The following WNT5A variants were observed in gnomAD, a reference collection of about 807,000 sequenced individuals.
The protein encoded by WNT5A is protein Wnt-5a.
Under a neutral mutation model 42.1 loss-of-function variants are expected in WNT5A, and 9 were observed. The ratio of observed to expected loss-of-function variants is 0.21; its 90% CI spans 0.13 to 0.37. The LOEUF (loss-of-function observed/expected upper bound fraction) is 0.37. WNT5A is among the 10% of genes least tolerant of loss of function. The pLI, the probability that WNT5A is intolerant of heterozygous loss-of-function variation, is 1.00. For synonymous variants in WNT5A, 210 were observed against 210.0 expected (o/e 1.00, Z 0.00); for missense variants, 426 against 534.0 (o/e 0.80, Z 1.99).
At chr3:55,488,395 TGG>T (rs1559560838), upstream of WNT5A, 6 of 127,912 alleles carry the variant, frequency 4.7e-5, no homozygotes, top group Non-Finnish European at 9.7e-5. Flanking sequence ...CTCTTTCCCC[TGG>T]TGTTCTCAGA....
At chr3:55,476,957 G>T (rs1050530988) in intron 3 of WNT5A, among the ~76,000 whole-genome samples, 2 of 152,224 alleles carry the variant, frequency 1.3e-5, no homozygotes, top group Non-Finnish European at 1.5e-5. Flanking sequence ...AAAATGAAGA[G>T]TGGGCCCTTC....
At chr3:55,473,467 A>G (rs1279176468) in intron 4 of WNT5A, among the ~76,000 whole-genome samples, 1 of 152,236 alleles carries the variant, frequency 6.6e-6, no homozygotes, top group Non-Finnish European at 1.5e-5. Flanking sequence ...AACCGCAGGA[A>G]AAAAAGGGTC....
At chr3:55,474,947 T>A (rs1376625880) in intron 3 of WNT5A, among the ~76,000 whole-genome samples, 1 of 135,898 alleles carries the variant, frequency 7.4e-6, no homozygotes, top group Non-Finnish European at 1.6e-5. Context: ...GGGTAGGGGG[T>A]AGGGGATCAA....
chr3:55,479,584 G>A lies in WNT5A; in HGVS notation c.141-20C>T, dbSNP rs1252818412. 1.3e-6 allele frequency: 2 copies of A among 1,554,416 alleles called. No individual in the cohort carries two copies. The highest frequency in any genetic ancestry group is 1.7e-6 in the Non-Finnish European group (2 of 1,145,220). ...AGCGACCTGCAAGGGGGGGAGATGT[G>A]CATTCAAGATTTACGTGAAATCTCG... On this transcript the variant is annotated intron_variant, in intron 2 of 4. Transcript: ENST00000264634.
At chr3:55,504,497 A>G in the WNT5A span, among the ~76,000 whole-genome samples, 1 of 150,416 alleles carries the variant, frequency 6.6e-6, no homozygotes, top group Non-Finnish European at 1.5e-5. Context: ...GAGAAAAAAA[A>G]TTGTTGCCCA....
upstream of WNT5A, among the ~76,000 whole-genome samples, chr3:55,491,890 C>T (rs1255711980): frequency 6.6e-6 from 1 of 152,242 alleles, no homozygotes; most frequent in Admixed American, 6.5e-5. Context: ...CTAAAGAAGA[C>T]AAAGAGGCCG....
chr3:55,471,482 C>T (rs889274681), intron 4 of WNT5A, among the ~76,000 whole-genome samples: 1 of 152,232 alleles, frequency 6.6e-6, no homozygotes, highest in Non-Finnish European at 1.5e-5. Flanking sequence ...GCGAAGGCAG[C>T]AGTGGTGGCA....
At chr3:55,472,217 AAGT>A (rs1281716502) in intron 4 of WNT5A, among the ~76,000 whole-genome samples, 1 of 152,164 alleles carries the variant, frequency 6.6e-6, no homozygotes, top group African/African-American at 2.4e-5. Flanking sequence ...AAAAATGCAG[AAGT>A]GTAACATTAT....
upstream of WNT5A, among the ~76,000 whole-genome samples, chr3:55,491,439 C>T (rs2051658296): frequency 6.6e-6 from 1 of 152,214 alleles, no homozygotes; most frequent in Non-Finnish European, 1.5e-5. Flanking sequence ...TCACCACACT[C>T]TGCTCATTAA....
At chr3:55,501,062 T>G in the WNT5A span, among the ~76,000 whole-genome samples, 2 of 152,242 alleles carry the variant, frequency 1.3e-5, no homozygotes. Flanking sequence ...ACTTTCAAGA[T>G]AGAATATCTG....
the WNT5A span, among the ~76,000 whole-genome samples, chr3:55,502,578 T>C: frequency 6.6e-6 from 1 of 152,316 alleles, no homozygotes; most frequent in East Asian, 1.9e-4. Context: ...AATGGAGTTA[T>C]AATGTCTTGA....
upstream of WNT5A, among the ~76,000 whole-genome samples, chr3:55,491,469 G>A (rs934038115): frequency 2.0e-5 from 3 of 152,142 alleles, no homozygotes; most frequent in Non-Finnish European, 4.4e-5. Flanking sequence ...TGAATCTGTG[G>A]AACAAATAAA....
chr3:55,473,905 G>A (rs1469294663), intron 4 of WNT5A, among the ~76,000 whole-genome samples: 3 of 152,200 alleles, frequency 2.0e-5, no homozygotes, highest in African/African-American at 7.2e-5. Flanking sequence ...CTGTGCTCCA[G>A]TAGCCAAAGG....
At position 55,479,425 on chromosome 3, in the gene WNT5A, C is replaced by T. The variant is rs2106945960; in HGVS notation, c.280G>A (p.Gly94Arg). Reference protein sequence around the residue: ...HLYQDHMQYIGEGAKTGIKEC... With the variant: ...HLYQDHMQYIREGAKTGIKEC... Reference sequence around the variant, plus strand: ...TTGATGCCTGTCTTCGCGCCTTCTCCGATGTACTGCATGTGGTCCTGATAC... The same window carrying T: ...TTGATGCCTGTCTTCGCGCCTTCTCTGATGTACTGCATGTGGTCCTGATAC... Residue 94 changes from glycine to arginine, a missense_variant, in exon 3 of 5, where the codon GGA (glycine) becomes AGA (arginine). Physicochemically the swap from Gly to Arg is moderately radical, Grantham distance 125. Around this residue, in one of 3 missense-constraint regions of WNT5A, gnomAD observed 358 missense variants for 468.1 expected, o/e 0.76. Coordinates refer to ENST00000264634, the MANE Select transcript of WNT5A (RefSeq NM_003392.7). 5 of 1,614,002 alleles carry T rather than the reference C, an allele frequency of 3.1e-6. No homozygotes were observed. Among genetic ancestry groups the T allele is most frequent in the South Asian group, 2.2e-5 (2 of 91,076 alleles).
Position 55,470,547 on chromosome 3 carries a change from C to G in WNT5A, c.688G>C (p.Val230Leu). 1 of 1,535,620 alleles carries G rather than the reference C, an allele frequency of 6.5e-7. No homozygotes were observed. Among genetic ancestry groups the G allele is most frequent in the Non-Finnish European group, 8.8e-7 (1 of 1,139,982 alleles). ...LHNNEAGRRT[V>L]YNLADVACKC... is the part of the protein sequence containing the mutation. Reference sequence around the variant, plus strand: ...CAGGCCACATCAGCCAGGTTGTACACCGTCTGCAGGGAAATGGGGGCAATC... The same window carrying G: ...CAGGCCACATCAGCCAGGTTGTACAGCGTCTGCAGGGAAATGGGGGCAATC... Residue 230 changes from valine to leucine, a missense_variant, in exon 5 of 5, where the codon GTG (valine) becomes CTG (leucine). This residue lies in a region of WNT5A where 358 missense variants were observed against 468.1 expected (regional missense o/e 0.76). Coordinates refer to ENST00000264634, the MANE Select transcript of WNT5A (RefSeq NM_003392.7).
At chr3:55,475,001 C>T (rs1199922233) in intron 3 of WNT5A, among the ~76,000 whole-genome samples, 1 of 151,928 alleles carries the variant, frequency 6.6e-6, no homozygotes, top group East Asian at 1.9e-4. Context: ...ACGCACCAGG[C>T]CCTGGGCCCA....
At chr3:55,499,773 G>A in the WNT5A span, among the ~76,000 whole-genome samples, 2 of 151,968 alleles carry the variant, frequency 1.3e-5, no homozygotes, top group African/African-American at 2.4e-5. Context: ...TCAGGAGTTC[G>A]AGACCAGCCT....
At chr3:55,478,813 A>G (rs546941826) in intron 3 of WNT5A, among the ~76,000 whole-genome samples, 4 of 152,312 alleles carry the variant, frequency 2.6e-5, no homozygotes, top group Non-Finnish European at 4.4e-5. Context: ...TTTAACGTCT[A>G]TATCTTTATA....
upstream of WNT5A, among the ~76,000 whole-genome samples, chr3:55,493,334 A>G (rs2051681857): frequency 6.6e-6 from 1 of 152,054 alleles, no homozygotes; most frequent in Admixed American, 6.6e-5. Flanking sequence ...CTTTGTACTT[A>G]TTCTTCCCTC....
Sources: allele counts gnomAD v4.1 joint callset (sites outside exome capture counted in the v4.1 genomes callset), GRCh38; gene constraint gnomAD v4.1.1; regional missense constraint gnomAD v4.1.1; transcripts MANE v1.5; gene names NCBI Gene and HGNC (gene_info 2026-07-23, HGNC 2026-07-21).